PHEX: variants seen among roughly 807,000 people sequenced by gnomAD.
The protein encoded by PHEX is phosphate regulating endopeptidase X-linked.
PHEX carries 16 observed loss-of-function variants against 68.0 expected under a neutral mutation model. That is an observed-to-expected ratio of 0.24 (90% CI 0.16 to 0.36). The LOEUF (loss-of-function observed/expected upper bound fraction) is 0.36, where lower values mean the gene tolerates loss of function less well. Among genes scored for constraint, PHEX ranks in the 10% least tolerant of loss-of-function variants. The probability of loss-of-function intolerance (pLI) is 1.00; values close to 1 mark genes in which losing one functional copy is unlikely to be tolerated. For missense variants in PHEX, 480 were observed against 575.5 expected (o/e 0.83, Z 1.70); for synonymous variants, 208 against 205.1 (o/e 1.01, Z -0.12).
At chrX:22,059,313 G>A (rs1928257394) in intron 3 of PHEX, among the ~76,000 whole-genome samples, 2 of 112,287 alleles carry the variant, frequency 1.8e-5, no homozygotes, top group Admixed American at 9.4e-5. Flanking sequence ...AGCAGTGCCT[G>A]TGACTTTGTT....
At chrX:22,158,016 G>T (rs1315895834) in intron 12 of PHEX, among the ~76,000 whole-genome samples, 1 of 111,898 alleles carries the variant, frequency 8.9e-6, no homozygotes, top group African/African-American at 3.2e-5. Flanking sequence ...TTTATCAAGA[G>T]AATAAAATTT....
intron 12 of PHEX, among the ~76,000 whole-genome samples, chrX:22,165,579 G>A (rs1474275722): frequency 9.0e-6 from 1 of 111,242 alleles, no homozygotes; most frequent in Non-Finnish European, 1.9e-5. Context: ...TTGATTGCAG[G>A]CAAGGAGCTC....
Position 22,034,918 on chromosome X carries a change from G to A in PHEX, c.118+1795G>A, listed in dbSNP as rs1169023484. On this transcript the variant is annotated intron_variant, in intron 1 of 21. Transcript: ENST00000379374. ...TGTCAAATATTTCTGCACTATTTTA[G>A]AATCACCCCCTTACCCCCTCTCCCC... is the stretch of plus-strand genomic sequence containing the variant. 3.6e-5 allele frequency among the ~76,000 whole-genome samples: 4 copies of A among 110,915 alleles called. No individual in the cohort carries two copies. The East Asian group carries it at 1.1e-3, about 32-fold the overall frequency.
intron 20 of PHEX, among the ~76,000 whole-genome samples, chrX:22,238,707 T>A (rs1051138329): frequency 9.1e-6 from 1 of 109,381 alleles, no homozygotes; most frequent in African/African-American, 3.3e-5. Context: ...GTGACCAGAC[T>A]GCCTCTCTAG....
At chrX:22,226,541 A>G (rs1468195524) in intron 19 of PHEX, 33 bp downstream of exon 19, 1 of 1,114,375 alleles carries the variant, frequency 9.0e-7, no homozygotes, top group East Asian at 3.0e-5. Flanking sequence ...TGGTTCTAAA[A>G]ATCAAGCCAT....
intron 9 of PHEX, among the ~76,000 whole-genome samples, chrX:22,108,899 G>A (rs1427852474): frequency 3.9e-5 from 4 of 103,106 alleles, no homozygotes; most frequent in African/African-American, 3.7e-5. Flanking sequence ...TGGAGATCGC[G>A]CCATTGCACT....
intron 3 of PHEX, among the ~76,000 whole-genome samples, chrX:22,059,377 T>C (rs756534081): frequency 2.7e-5 from 3 of 112,575 alleles, no homozygotes; most frequent in African/African-American, 9.7e-5. Flanking sequence ...TGCAGGTATC[T>C]TGAAATGTTA....
intron 12 of PHEX, among the ~76,000 whole-genome samples, chrX:22,139,702 A>AT (rs368551912): frequency 4.3e-3 from 387 of 90,641 alleles, no homozygotes; most frequent in Non-Finnish European, 6.1e-3. Flanking sequence ...GGTTTTCTTA[A>AT]TTTTTTTTTT....
intron 9 of PHEX, among the ~76,000 whole-genome samples, chrX:22,109,895 AT>A (rs1477810054): frequency 8.9e-6 from 1 of 112,121 alleles, no homozygotes; most frequent in Non-Finnish European, 1.9e-5. Context: ...AACCCTAGAA[AT>A]TGACTATTTG....
At chrX:22,181,245 C>T (rs989052657) in intron 14 of PHEX, among the ~76,000 whole-genome samples, 3 of 112,032 alleles carry the variant, frequency 2.7e-5, no homozygotes, top group African/African-American at 9.7e-5. Flanking sequence ...TCTCTTTTCT[C>T]AACAACCTCA....
Position 22,032,695 on chromosome X carries a change from T to G in PHEX, c.-311T>G. 1 of 301,794 alleles carries G rather than the reference T, an allele frequency of 3.3e-6. No individual in the cohort carries two copies. 24.9% of individuals were successfully genotyped at this position (301,794 alleles called of 1,213,427 possible). A position where few individuals can be genotyped will look rare whatever the true frequency, so the allele number is the denominator to read the frequency against. On this transcript the variant is annotated 5_prime_UTR_variant, in exon 1 of 22. Transcript: ENST00000379374. The stretch of plus-strand genomic sequence containing the variant: ...CAGCAACATAGTAAAACATATATAC[T>G]CGGAACGCTTGAGAGAAGAGCCTGC...
At chrX:22,204,595 T>A (rs775726661) in intron 15 of PHEX, among the ~76,000 whole-genome samples, 1 of 111,846 alleles carries the variant, frequency 8.9e-6, no homozygotes, top group East Asian at 2.8e-4. Context: ...ACATCATAGG[T>A]GCTCAGTAAA....
rs1373368867 is a variant in PHEX at position 22,250,952 on chromosome X, G to A, written c.*2999G>A. 1 of 112,113 alleles carries A rather than the reference G, an allele frequency of 8.9e-6. No homozygotes were observed. Among genetic ancestry groups the A allele is most frequent in the Non-Finnish European group, 1.9e-5 (1 of 53,255 alleles). The allele number at this position is 112,113 out of a possible 1,213,427, so 9.2% of individuals were successfully genotyped here. A position where few individuals can be genotyped will look rare whatever the true frequency, so the allele number is the denominator to read the frequency against. ...AAGTATTCCACAGGAAGGAAAGGTA[G>A]TCTTTGGGCTTTGGTCTACTGACCT... On this transcript the variant is annotated 3_prime_UTR_variant, in exon 22 of 22. Transcript: ENST00000379374.
chrX:22,032,972 A>T lies in PHEX; in HGVS notation c.-34A>T. 1 of 1,091,838 alleles carries T rather than the reference A, an allele frequency of 9.2e-7. No individual in the cohort carries two copies. The highest frequency in any genetic ancestry group is 1.8e-5 in the South Asian group (1 of 54,530). 90.0% of individuals were successfully genotyped at this position (1,091,838 alleles called of 1,213,427 possible). A position where few individuals can be genotyped will look rare whatever the true frequency, so the allele number is the denominator to read the frequency against. ...ACCAGCCACCAAACCACGAAAAGTG[A>T]CTTTCTTCTCGTGTGCTCTCTACGG... On this transcript the variant is annotated 5_prime_UTR_variant, in exon 1 of 22. Transcript: ENST00000379374.
Position 22,249,455 on chromosome X carries a change from A to AAATATATATAT in PHEX, c.*1503_*1504insATATATATATA. 5.2e-3 allele frequency: 207 copies of AAATATATATAT among 39,704 alleles called. 1 individual carries two copies. The highest frequency in any genetic ancestry group is 7.4e-3 in the Non-Finnish European group (180 of 24,437). The allele number at this position is 39,704 out of a possible 1,213,427, so 3.3% of individuals were successfully genotyped here. On this transcript the variant is annotated 3_prime_UTR_variant, in exon 22 of 22. Coordinates refer to ENST00000379374, the MANE Select transcript of PHEX (RefSeq NM_000444.6). ...TTGTGATTCTTTTAAAAAAAAAAAAAATATATATATATATATATATATATA... is the reference window on the plus strand; with the variant it reads ...TTGTGATTCTTTTAAAAAAAAAAAAAAATATATATATATATATATATATATATATATATATA...
intron 3 of PHEX, among the ~76,000 whole-genome samples, chrX:22,067,476 A>G (rs963720693): frequency 4.5e-5 from 5 of 111,483 alleles, no homozygotes; most frequent in African/African-American, 1.6e-4. Context: ...AAAACAAAAC[A>G]AAGTGTTTAG....
At chrX:22,137,685 C>T (rs1168956304) in intron 12 of PHEX, among the ~76,000 whole-genome samples, 1 of 111,314 alleles carries the variant, frequency 9.0e-6, no homozygotes, top group Non-Finnish European at 1.9e-5. Context: ...TGCAAATTTT[C>T]ACATCCCCAC....
intron 12 of PHEX, among the ~76,000 whole-genome samples, chrX:22,143,273 C>T (rs1651010700): frequency 1.8e-5 from 2 of 111,990 alleles, no homozygotes; most frequent in Non-Finnish European, 3.8e-5. Context: ...TCCAAAGCGG[C>T]TAGAAGAAAG....
intron 3 of PHEX, among the ~76,000 whole-genome samples, chrX:22,069,244 A>T (rs1928776392): frequency 8.9e-6 from 1 of 112,395 alleles, no homozygotes; most frequent in African/African-American, 3.2e-5. Flanking sequence ...CCTTACATGG[A>T]ATTATCTGCT....
Sources: allele counts gnomAD v4.1 joint callset (sites outside exome capture counted in the v4.1 genomes callset), GRCh38; gene constraint gnomAD v4.1.1; transcripts MANE v1.5; gene names NCBI Gene and HGNC (gene_info 2026-07-23, HGNC 2026-07-21).